CCDC91: variants seen among roughly 807,000 people sequenced by gnomAD.
CCDC91 encodes the protein coiled-coil domain containing 91, also known as coiled-coil domain-containing protein 91.
A neutral mutation model predicts 63.2 loss-of-function variants in CCDC91; 48 were observed. The observed-to-expected ratio is 0.76, with a 90% confidence interval of 0.60 to 0.97. CCDC91 has a LOEUF of 0.97. Ranked by LOEUF, CCDC91 falls within the 50% of genes least tolerant of loss-of-function variation. The pLI is 0.00. For missense variants in CCDC91, 500 were observed against 494.6 expected (o/e 1.01, Z -0.10); for synonymous variants, 167 against 165.8 (o/e 1.01, Z -0.06).
Position 28,305,692 on chromosome 12 carries a change from G to A in CCDC91, c.153G>A (p.Leu51=). ...HLSPSSPEIV[L]DRDHSSSIGC... ...CACCATCTTCTCCTGAGATTGTACT[G>A]GACCGTGACCACTCTTCTTCCATTG... Residue 51 remains leucine, a synonymous_variant, in exon 4 of 13, where the codon CTG becomes CTA. Coordinates refer to ENST00000536442, the MANE Select transcript of CCDC91 (RefSeq NM_018318.5). 1 of 1,613,142 alleles carries A rather than the reference G, an allele frequency of 6.2e-7. No individual in the cohort carries two copies. Among genetic ancestry groups the A allele is most frequent in the Non-Finnish European group, 8.5e-7 (1 of 1,179,466 alleles).
chr12:28,406,755 G>GTGAATTTAATTCA (rs1172951714), intron 8 of CCDC91, among the ~76,000 whole-genome samples: 5 of 151,294 alleles, frequency 3.3e-5, no homozygotes, highest in African/African-American at 4.8e-5. Flanking sequence ...TTAATTCATA[G>GTGAATTTAATTCA]TTTATGAATC....
At chr12:28,265,519 G>C (rs953970774) in intron 3 of CCDC91, among the ~76,000 whole-genome samples, 16 of 152,058 alleles carry the variant, frequency 1.1e-4, no homozygotes, top group African/African-American at 3.9e-4. Context: ...CTGGAAGACA[G>C]ATGCCTTTTG....
At chr12:28,466,047 C>T (rs1464210348) in intron 11 of CCDC91, among the ~76,000 whole-genome samples, 1 of 149,938 alleles carries the variant, frequency 6.7e-6, no homozygotes, top group Non-Finnish European at 1.5e-5. Context: ...GCATCAGAGC[C>T]TTTTAGTAGC....
At chr12:28,316,620 CCTT>C (rs1043509655) in intron 6 of CCDC91, among the ~76,000 whole-genome samples, 6 of 49,072 alleles carry the variant, frequency 1.2e-4, no homozygotes, top group Non-Finnish European at 1.7e-4. Flanking sequence ...TCATTCTGGT[CCTT>C]CTTTTTTTCA....
rs541891478 is a variant in CCDC91 at position 28,200,893 on chromosome 12, C to T, written c.-15+10252C>T. ...TCACCTCCCAGACAGGGCGGCTGGC[C>T]GGGCGGGGGGCTGACCCCGCCACCT... On this transcript the variant is annotated intron_variant, in intron 1 of 12. Coordinates refer to ENST00000536442, the MANE Select transcript of CCDC91 (RefSeq NM_018318.5). Among the ~76,000 whole-genome samples, 969 of 150,392 alleles carry T rather than the reference C, an allele frequency of 6.4e-3. 8 individuals carry two copies. The Middle Eastern group carries it at 0.066, about 10-fold the overall frequency.
At chr12:28,472,762 A>G (rs1468441883) in intron 11 of CCDC91, among the ~76,000 whole-genome samples, 6 of 152,184 alleles carry the variant, frequency 3.9e-5, no homozygotes, top group Admixed American at 3.3e-4. Flanking sequence ...GGTTCTCTTA[A>G]TATTTTCCTT....
chr12:28,367,251 C>T (rs751907212), intron 7 of CCDC91, among the ~76,000 whole-genome samples: 1 of 151,794 alleles, frequency 6.6e-6, no homozygotes, highest in Non-Finnish European at 1.5e-5. Context: ...TTCTTGAAAC[C>T]AATGTGAAAA....
intron 1 of CCDC91, among the ~76,000 whole-genome samples, chr12:28,207,406 C>G (rs1201315781): frequency 6.6e-6 from 1 of 152,126 alleles, no homozygotes; most frequent in African/African-American, 2.4e-5. Context: ...CAGTCTTTCT[C>G]TGATGTTCTC....
chr12:28,501,926 T>C lies in CCDC91; in HGVS notation c.1215+17761T>C, dbSNP rs1256044057. Among the ~76,000 whole-genome samples the C allele has an allele frequency of 2.0e-5, 3 of 151,934 alleles. No homozygotes were observed. The East Asian group carries it at 5.8e-4, about 30-fold the overall frequency. On this transcript the variant is annotated intron_variant, in intron 12 of 12. Coordinates refer to ENST00000536442, the MANE Select transcript of CCDC91 (RefSeq NM_018318.5). ...TCAGAGATTCAACTTCTTCCTGGTT[T>C]AGTCTTGGGAGGGTGTATGTGTCGA...
At chr12:28,398,462 G>T (rs1193085140) in intron 8 of CCDC91, among the ~76,000 whole-genome samples, 1 of 151,980 alleles carries the variant, frequency 6.6e-6, no homozygotes, top group African/African-American at 2.4e-5. Flanking sequence ...TAAATTTGGG[G>T]CTGCTTTAAA....
intron 11 of CCDC91, among the ~76,000 whole-genome samples, chr12:28,466,698 C>G (rs1027958645): frequency 2.6e-5 from 4 of 152,040 alleles, no homozygotes; most frequent in Non-Finnish European, 5.9e-5. Context: ...GACCTGTCCT[C>G]TATAAGAAAT....
intron 12 of CCDC91, among the ~76,000 whole-genome samples, chr12:28,524,169 A>G (rs1476977168): frequency 2.6e-5 from 4 of 152,078 alleles, no homozygotes; most frequent in Non-Finnish European, 1.5e-5. Context: ...GTTGAAGAGG[A>G]GTAGTGAGAG....
intron 1 of CCDC91, among the ~76,000 whole-genome samples, chr12:28,252,472 T>C (rs1946186533): frequency 6.6e-6 from 1 of 152,030 alleles, no homozygotes; most frequent in African/African-American, 2.4e-5. Flanking sequence ...TTTTTTCTCT[T>C]ATACTTTTTT....
At chr12:28,394,281 A>AG (rs1491531292) in intron 8 of CCDC91, among the ~76,000 whole-genome samples, 2 of 152,156 alleles carry the variant, frequency 1.3e-5, no homozygotes, top group Non-Finnish European at 2.9e-5. Context: ...CCTGGCTAAC[A>AG]GGGTGAAACC....
chr12:28,263,274 C>T (rs1423835251), intron 3 of CCDC91, among the ~76,000 whole-genome samples: 1 of 151,810 alleles, frequency 6.6e-6, no homozygotes, highest in Non-Finnish European at 1.5e-5. Flanking sequence ...ATAAAATTTA[C>T]CATCTTAACT....
chr12:28,316,454 A>C (rs189869102), intron 6 of CCDC91, among the ~76,000 whole-genome samples: 120 of 147,870 alleles, frequency 8.1e-4, no homozygotes, highest in African/African-American at 2.8e-3. Context: ...TCTTTAATCT[A>C]CTTTATCATT....
At chr12:28,438,855 A>C (rs1165754641) in intron 8 of CCDC91, among the ~76,000 whole-genome samples, 1 of 152,172 alleles carries the variant, frequency 6.6e-6, no homozygotes, top group African/African-American at 2.4e-5. Flanking sequence ...GTACATAGGC[A>C]CTCATAGGGA....
At chr12:28,267,064 A>T (rs1362108342) in intron 3 of CCDC91, among the ~76,000 whole-genome samples, 1 of 151,608 alleles carries the variant, frequency 6.6e-6, no homozygotes, top group Admixed American at 6.6e-5. Flanking sequence ...ACACGTATGT[A>T]CATATATATA....
At chr12:28,406,810 A>ATTTTTTTTT (rs375722489) in intron 8 of CCDC91, among the ~76,000 whole-genome samples, 5 of 148,084 alleles carry the variant, frequency 3.4e-5, no homozygotes, top group Admixed American at 6.7e-5. Flanking sequence ...GATTTTAACT[A>ATTTTTTTTT]TTTTTTTTTG....
Sources: gnomAD v4.1 joint callset for allele counts (sites outside exome capture counted in the v4.1 genomes callset) on GRCh38, gnomAD v4.1.1 for gene constraint, MANE v1.5 for transcripts, NCBI Gene and HGNC (gene_info 2026-07-23, HGNC 2026-07-21) for gene names.